Variants in ALG14 observed in about 807,000 individuals in gnomAD.
ALG14 encodes UDP-N-acetylglucosamine transferase subunit ALG14.
In ALG14, 17 loss-of-function variants were observed where a neutral mutation model predicts 22.8. The observed-to-expected ratio is 0.75, with a 90% CI of 0.51 to 1.12. The LOEUF is 1.12. Ranked by LOEUF, ALG14 falls within the 50% of genes most tolerant of loss-of-function variation. The probability of loss-of-function intolerance (pLI) is 0.00; values close to 1 mark genes in which losing one functional copy is unlikely to be tolerated. For missense variants in ALG14, 288 were observed against 271.8 expected (o/e 1.06, Z -0.42); for synonymous variants, 89 against 103.7 (o/e 0.86, Z 0.86).
chr1:94,988,624 T>TA (rs1349727232), intron 3 of ALG14, among the ~76,000 whole-genome samples: 1 of 152,130 alleles, frequency 6.6e-6, no homozygotes, highest in Non-Finnish European at 1.5e-5. Flanking sequence ...CATGTGAACA[T>TA]AAACATCAGT....
chr1:95,015,534 A>T (rs948692686), intron 3 of ALG14, among the ~76,000 whole-genome samples: 1 of 152,222 alleles, frequency 6.6e-6, no homozygotes, highest in Non-Finnish European at 1.5e-5. Context: ...AAAGCCTCAG[A>T]AGAAGCCTCA....
At chr1:95,060,362 T>G (rs1436394338) in intron 2 of ALG14, among the ~76,000 whole-genome samples, 1 of 150,898 alleles carries the variant, frequency 6.6e-6, no homozygotes, top group African/African-American at 2.4e-5. Context: ...TAAAAGGAAG[T>G]TGAACAGAGA....
chr1:95,022,343 C>G, intron 3 of ALG14: 1 of 985,408 alleles, frequency 1.0e-6, no homozygotes, highest in African/African-American at 1.7e-5. Context: ...GTGTCAGTGG[C>G]ACAGCTGGTA....
chr1:95,000,740 A>C (rs1170054720), intron 3 of ALG14, among the ~76,000 whole-genome samples: 1 of 148,364 alleles, frequency 6.7e-6, no homozygotes, highest in Non-Finnish European at 1.5e-5. Context: ...ACCTATGCTT[A>C]CTGGAAATCA....
intron 3 of ALG14, among the ~76,000 whole-genome samples, chr1:95,003,966 T>G (rs1673137414): frequency 1.3e-5 from 2 of 152,220 alleles, no homozygotes; most frequent in South Asian, 4.1e-4. Context: ...ATCTTTTCTA[T>G]TATGCTTACT....
At chr1:95,017,753 C>G (rs946613195) in intron 3 of ALG14, among the ~76,000 whole-genome samples, 4 of 152,084 alleles carry the variant, frequency 2.6e-5, no homozygotes, top group African/African-American at 9.7e-5. Context: ...CCTGGGGAAC[C>G]CCAGAATGAC....
chr1:95,044,022 C>T (rs542843020), intron 2 of ALG14, among the ~76,000 whole-genome samples: 120 of 152,258 alleles, frequency 7.9e-4, no homozygotes, highest in Non-Finnish European at 1.4e-3. Flanking sequence ...CCTTGGAGAT[C>T]GGGATGCTCC....
chr1:95,014,103 T>C (rs1047177822), intron 3 of ALG14, among the ~76,000 whole-genome samples: 2 of 152,172 alleles, frequency 1.3e-5, no homozygotes, highest in Admixed American at 6.5e-5. Context: ...AAGTTCTAAT[T>C]ACTCCCCAGA....
intron 2 of ALG14, among the ~76,000 whole-genome samples, chr1:95,058,305 A>T (rs1467337630): frequency 6.0e-5 from 9 of 149,330 alleles, no homozygotes; most frequent in African/African-American, 2.0e-4. Context: ...AAAAAAAAAA[A>T]AAAAAAAAGA....
At chr1:94,997,914 T>G (rs1672950103) in intron 3 of ALG14, among the ~76,000 whole-genome samples, 1 of 152,192 alleles carries the variant, frequency 6.6e-6, no homozygotes, top group Non-Finnish European at 1.5e-5. Context: ...CATTACAGTC[T>G]TCTCTCCTCC....
chr1:95,031,456 T>C (rs1487833404), intron 2 of ALG14, among the ~76,000 whole-genome samples: 1 of 152,184 alleles, frequency 6.6e-6, no homozygotes, highest in Non-Finnish European at 1.5e-5. Flanking sequence ...AGCTCTAAAC[T>C]AGAGAAGCTC....
Position 95,027,124 on chromosome 1 carries a change from C to G in ALG14, c.420+5G>C. The G allele has an allele frequency of 1.2e-6, 2 of 1,613,952 alleles. No homozygotes were observed. Among genetic ancestry groups the G allele is most frequent in the Non-Finnish European group, 8.5e-7 (1 of 1,179,904 alleles). On this transcript the variant is annotated splice_donor_5th_base_variant and intron_variant, in intron 3 of 3. Coordinates refer to ENST00000370205, the MANE Select transcript of ALG14 (RefSeq NM_144988.4). ...TTCTCTCTCCTTAGTGATGGTCTTA[C>G]TTACCAAATCTGGCTTCACCCTGTG...
chr1:95,059,588 G>A (rs1675065414), intron 2 of ALG14, among the ~76,000 whole-genome samples: 1 of 151,328 alleles, frequency 6.6e-6, no homozygotes, highest in African/African-American at 2.4e-5. Context: ...CCTTTGTTTT[G>A]AATCCGTTAA....
intron 3 of ALG14, among the ~76,000 whole-genome samples, chr1:95,003,219 G>C (rs1444147008): frequency 6.6e-6 from 1 of 152,164 alleles, no homozygotes. Flanking sequence ...GAAAGTGAAT[G>C]AACTGCAGGG....
chr1:94,977,690 C>T lies in ALG14; in HGVS notation c.*5386G>A, dbSNP rs953264916. 3.3e-5 allele frequency: 5 copies of T among 152,064 alleles called. No homozygotes were observed. The highest frequency in any genetic ancestry group is 1.2e-4 in the African/African-American group (5 of 41,386). 9.4% of individuals were successfully genotyped at this position (152,064 alleles called of 1,614,324 possible). On this transcript the variant is annotated 3_prime_UTR_variant, in exon 4 of 4. Transcript: ENST00000370205. ...CTGAGGCAGGGTCTCACTCTGTCAC[C>T]CAGGCTGGAGTGCAGTGCCATGATC...
At chr1:94,988,891 T>G (rs1371811121) in intron 3 of ALG14, among the ~76,000 whole-genome samples, 1 of 152,196 alleles carries the variant, frequency 6.6e-6, no homozygotes, top group Non-Finnish European at 1.5e-5. Flanking sequence ...CTCACCAATC[T>G]TAACATTTTG....
At chr1:94,988,565 G>A (rs1169150942) in intron 3 of ALG14, among the ~76,000 whole-genome samples, 2 of 152,278 alleles carry the variant, frequency 1.3e-5, no homozygotes, top group Non-Finnish European at 2.9e-5. Context: ...CAGCTGGATG[G>A]GCCAAGCAGG....
intron 2 of ALG14, among the ~76,000 whole-genome samples, chr1:95,051,732 A>C (rs1463467640): frequency 6.6e-6 from 1 of 152,100 alleles, no homozygotes; most frequent in African/African-American, 2.4e-5. Flanking sequence ...GCCCCACCTC[A>C]GGGCCTTCTT....
intron 2 of ALG14, among the ~76,000 whole-genome samples, chr1:95,059,397 C>CAAAA (rs67569341): frequency 1.8e-4 from 14 of 78,572 alleles, no homozygotes; most frequent in Admixed American, 4.5e-4. Flanking sequence ...GACTCTGTCT[C>CAAAA]AAAAAAAAAA....
Sources: gnomAD v4.1 joint callset for allele counts (sites outside exome capture counted in the v4.1 genomes callset) on GRCh38, gnomAD v4.1.1 for gene constraint, MANE v1.5 for transcripts, NCBI Gene and HGNC (gene_info 2026-07-23, HGNC 2026-07-21) for gene names.